KIF1C: variants seen among roughly 807,000 people sequenced by gnomAD.
The protein encoded by KIF1C is kinesin family member 1C.
KIF1C carries 61 observed loss-of-function variants against 126.5 expected under a neutral mutation model. The ratio of observed to expected loss-of-function variants is 0.48; its 90% CI spans 0.39 to 0.60. The LOEUF (loss-of-function observed/expected upper bound fraction) is 0.60. Ranked by LOEUF, KIF1C falls within the 20% of genes least tolerant of loss-of-function variation. The probability of loss-of-function intolerance (pLI) is 0.00; values close to 1 mark genes in which losing one functional copy is unlikely to be tolerated. For synonymous variants in KIF1C, 640 were observed against 580.6 expected (o/e 1.10, Z -1.47); for missense variants, 1,315 against 1,489.2 (o/e 0.88, Z 1.93).
At position 5,020,398 on chromosome 17, in the gene KIF1C, A is replaced by G; in HGVS notation, c.1751-94A>G. ...TTGGGGTGATGAAGGGGAGGGTGTC[A>G]CAGCCCCTGTGCCAGATTCTCTATG... On this transcript the variant is annotated intron_variant, in intron 19 of 22. Transcript: ENST00000320785. The surrounding 1 kb of genome is among the most constrained non-coding windows in gnomAD (Gnocchi z 5.8). 2 of 1,291,234 alleles carry G rather than the reference A, an allele frequency of 1.5e-6. No individual in the cohort carries two copies. The highest frequency in any genetic ancestry group is 1.1e-6 in the Non-Finnish European group (1 of 938,572). 80.0% of individuals were successfully genotyped at this position (1,291,234 alleles called of 1,614,324 possible).
At position 5,002,851 on chromosome 17, in the gene KIF1C, G is replaced by GGGGC; in HGVS notation, c.720+9_720+10insGGGC. 1.4e-6 allele frequency: 2 copies of GGGGC among 1,421,828 alleles called. No individual in the cohort carries two copies. The highest frequency in any genetic ancestry group is 9.7e-7 in the Non-Finnish European group (1 of 1,035,694). 88.1% of individuals were successfully genotyped at this position (1,421,828 alleles called of 1,614,324 possible). Reference sequence around the variant, plus strand: ...GGCTGGACTCGGAGAAGGTGGGATCGCCCCCCCCCCCACTCCCCCACCGGA... The same window carrying GGGGC: ...GGCTGGACTCGGAGAAGGTGGGATCGGGGCCCCCCCCCCCCACTCCCCCACCGGA... On this transcript the variant is annotated intron_variant, in intron 8 of 22. Transcript: ENST00000320785.
rs200438845 is a variant in KIF1C at position 5,013,738 on chromosome 17, G to A, written c.1571+6G>A. 745 of 1,611,876 alleles carry A rather than the reference G, an allele frequency of 4.6e-4. 2 individuals are homozygous for A. Among genetic ancestry groups the A allele is most frequent in the South Asian group, 1.6e-3 (147 of 90,998 alleles). On this transcript the variant is annotated splice_donor_region_variant and intron_variant, in intron 17 of 22. Transcript: ENST00000320785. ...ATCAAAGATGGCGTCACCAGGTAGC[G>A]TGTACCCAGCGGCCTGGGGGGCAGC...
intron 16 of KIF1C, among the ~76,000 whole-genome samples, chr17:5,009,885 C>G (rs906259635): frequency 5.3e-5 from 8 of 151,818 alleles, no homozygotes; most frequent in African/African-American, 1.9e-4. Context: ...TACACATTTA[C>G]TCACATTCAC....
chr17:5,005,139 G>C (rs2143325545), intron 13 of KIF1C, 139 bp downstream of exon 13: 2 of 1,038,658 alleles, frequency 1.9e-6, no homozygotes, highest in South Asian at 3.1e-5. Flanking sequence ...CGTGGACACA[G>C]ATGTGGAGAG....
chr17:5,013,706 C>G lies in KIF1C; in HGVS notation c.1545C>G (p.Leu515=). The G allele has an allele frequency of 6.2e-7, 1 of 1,613,888 alleles. No individual in the cohort carries two copies. The highest frequency in any genetic ancestry group is 8.5e-7 in the Non-Finnish European group (1 of 1,179,820). ...ACCCTCTGATGTCTGAGTGTCTGCTCTACCACATCAAAGATGGCGTCACCA... is the reference window on the plus strand; with the variant it reads ...ACCCTCTGATGTCTGAGTGTCTGCTGTACCACATCAAAGATGGCGTCACCA... ...NEDPLMSECL[L]YHIKDGVTRV... is the part of the protein sequence containing the mutation. The change falls in exon 17 of 23, where the codon CTC becomes CTG. Residue 515 remains leucine, a synonymous_variant. Coordinates refer to ENST00000320785, the MANE Select transcript of KIF1C (RefSeq NM_006612.6).
chr17:5,008,369 A>G (rs1974782292), intron 16 of KIF1C, among the ~76,000 whole-genome samples: 1 of 138,264 alleles, frequency 7.2e-6, no homozygotes, highest in Admixed American at 7.7e-5. Flanking sequence ...AGGCCAGTAT[A>G]CCAGTGAAGG....
At chr17:5,014,015 C>T (rs1974921676) in intron 17 of KIF1C, among the ~76,000 whole-genome samples, 1 of 152,204 alleles carries the variant, frequency 6.6e-6, no homozygotes. Flanking sequence ...GACCCTGATG[C>T]CATTGCCTTG....
chr17:5,005,125 G>A, intron 13 of KIF1C, 125 bp downstream of exon 13: 2 of 1,198,872 alleles, frequency 1.7e-6, no homozygotes, highest in Non-Finnish European at 2.4e-6. Context: ...CATGTGCTCA[G>A]TGACGTGGAC....
chr17:5,000,242 G>A lies in KIF1C; in HGVS notation c.-5G>A, dbSNP rs772665083. On this transcript the variant is annotated 5_prime_UTR_variant, in exon 3 of 23. Coordinates refer to ENST00000320785, the MANE Select transcript of KIF1C (RefSeq NM_006612.6). The stretch of plus-strand genomic sequence containing the variant: ...CAGCTGAGGAGGGCAGGAGTGTCTG[G>A]AGCTATGGCTGGTGCCTCGGTGAAA... 2 of 1,563,214 alleles carry A rather than the reference G, an allele frequency of 1.3e-6. No homozygotes were observed. The highest frequency in any genetic ancestry group is 1.7e-6 in the Non-Finnish European group (2 of 1,153,690).
chr17:5,005,168 T>C (rs1567721776), intron 13 of KIF1C, among the ~76,000 whole-genome samples, 168 bp downstream of exon 13: 1 of 152,306 alleles, frequency 6.6e-6, no homozygotes, highest in East Asian at 1.9e-4. Flanking sequence ...TGTCTTCAGA[T>C]GTTACAGAGC....
Position 5,025,956 on chromosome 17 carries a change from CTG to C in KIF1C, c.*1806_*1807del, listed in dbSNP as rs763267373. ...AGCACTGCCTTTGGCTTGCCAGACTCTGGAGTCCCCACATTTTCATCCTGTTC... is the reference window on the plus strand; with the variant it reads ...AGCACTGCCTTTGGCTTGCCAGACTCGAGTCCCCACATTTTCATCCTGTTC... On this transcript the variant is annotated 3_prime_UTR_variant, in exon 23 of 23. Coordinates refer to ENST00000320785, the MANE Select transcript of KIF1C (RefSeq NM_006612.6). The C allele has an allele frequency of 2.6e-5, 4 of 152,358 alleles. No homozygotes were observed. In the South Asian group the frequency reaches 8.3e-4, roughly 32 times the overall value. 9.4% of individuals were successfully genotyped at this position (152,358 alleles called of 1,614,324 possible).
intron 5 of KIF1C, among the ~76,000 whole-genome samples, chr17:5,001,637 G>A (rs1974595750): frequency 6.6e-6 from 1 of 152,206 alleles, no homozygotes; most frequent in African/African-American, 2.4e-5. Flanking sequence ...AGTGAGCCTT[G>A]GGTTCGAGCG....
intron 16 of KIF1C, among the ~76,000 whole-genome samples, chr17:5,011,296 C>G (rs1974860764): frequency 6.6e-6 from 1 of 152,096 alleles, no homozygotes; most frequent in Non-Finnish European, 1.5e-5. Flanking sequence ...TGGAGGGAGC[C>G]TCCTCTTGCT....
In KIF1C at chr17:5,003,657, G is replaced by A. The variant is rs150280414; in HGVS notation, c.766G>A (p.Asp256Asn). 142 of 1,613,758 alleles carry A rather than the reference G, an allele frequency of 8.8e-5. 1 individual carries two copies. In the South Asian group the frequency reaches 9.9e-4, roughly 11 times the overall value. Residue 256 changes from aspartate (D) to asparagine (N), a missense_variant, in exon 9 of 23, where the codon GAC (aspartate) becomes AAC (asparagine). By Grantham distance (23) the Asp-to-Asn change is conservative. Around this residue, in one of 2 missense-constraint regions of KIF1C, gnomAD observed 874 missense variants for 1,053.2 expected, o/e 0.83. Transcript: ENST00000320785. Reference protein sequence around the residue: ...LVDLAGSERADSSGARGMRLK... With the variant: ...LVDLAGSERANSSGARGMRLK... ...GGACCTTGCTGGGAGTGAGCGAGCC[G>A]ACTCCTCAGGGGCCCGGGGCATGCG...
Position 5,022,710 on chromosome 17 carries a change from G to T in KIF1C, c.2628+1G>T. 6.6e-7 allele frequency: 1 copy of T among 1,525,890 alleles called. No individual in the cohort carries two copies. The allele number at this position is 1,525,890 out of a possible 1,614,324, so 94.5% of individuals were successfully genotyped here. ...GGAGAGGGTCATCCCCCTGGCCCAGGTAGGACTGGCCTTCTGCCTCCCTTC... is the reference window on the plus strand; with the variant it reads ...GGAGAGGGTCATCCCCCTGGCCCAGTTAGGACTGGCCTTCTGCCTCCCTTC... On this transcript the variant is annotated splice_donor_variant, in intron 22 of 22. Transcript: ENST00000320785. LOFTEE classifies it high-confidence loss of function. The surrounding 1 kb of genome is among the most constrained non-coding windows in gnomAD (Gnocchi z 4.9).
At position 5,004,849 on chromosome 17, in the gene KIF1C, AC is replaced by A. The variant is rs1974689385; in HGVS notation, c.1020-3del. On this transcript the variant is annotated splice_polypyrimidine_tract_variant and splice_region_variant and intron_variant, in intron 12 of 22. Transcript: ENST00000320785. ...GCCTCACCGACCCTGCTCCTCTGTC[AC>A]CCAGGTATGCTGACCGCACCAAGCA... 1 of 1,614,184 alleles carries A rather than the reference AC, an allele frequency of 6.2e-7. No homozygotes were observed. Among genetic ancestry groups the A allele is most frequent in the Non-Finnish European group, 8.5e-7 (1 of 1,180,024 alleles).
chr17:5,023,863 G>A lies in KIF1C; in HGVS notation c.3024G>A (p.Glu1008=). ...CAACTCCGCTCCAACCCCCTGAGGA[G>A]GTCACTCCCCATCCAGCCACCCCTG... ...EAPTPLQPPE[E]VTPHPATPAR... The change falls in exon 23 of 23, where the codon GAG becomes GAA. Residue 1008 remains glutamate (E), a synonymous_variant. Transcript: ENST00000320785. This position sits in a 1 kb window ranked among gnomAD's most constrained non-coding sequence, Gnocchi z 4.2. 1 of 1,528,144 alleles carries A rather than the reference G, an allele frequency of 6.5e-7. No homozygotes were observed. The highest frequency in any genetic ancestry group is 8.8e-7 in the Non-Finnish European group (1 of 1,137,628). The allele number at this position is 1,528,144 out of a possible 1,614,324, so 94.7% of individuals were successfully genotyped here.
intron 16 of KIF1C, among the ~76,000 whole-genome samples, chr17:5,009,639 T>C (rs1305094927): frequency 6.6e-6 from 1 of 151,284 alleles, no homozygotes; most frequent in African/African-American, 2.4e-5. Flanking sequence ...ATACAAAAAA[T>C]TAGCCACGTG....
In KIF1C at chr17:5,022,103, G is replaced by A. The variant is rs750623112; in HGVS notation, c.2022G>A (p.Ser674=). 8.1e-6 allele frequency: 13 copies of A among 1,603,828 alleles called. No homozygotes were observed. The highest frequency in any genetic ancestry group is 1.1e-5 in the Non-Finnish European group (13 of 1,172,916). ...LLEQQRLYAD[S]DSGDDSDKRS... Reference sequence around the variant, plus strand: ...TTCTCTGGCCCCAGTATGCAGACTCGGACAGCGGGGATGACTCTGACAAGC... The same window carrying A: ...TTCTCTGGCCCCAGTATGCAGACTCAGACAGCGGGGATGACTCTGACAAGC... The change falls in exon 22 of 23, where the codon TCG becomes TCA. Residue 674 remains serine (S), a synonymous_variant. Transcript: ENST00000320785. This position sits in a 1 kb window ranked among gnomAD's most constrained non-coding sequence, Gnocchi z 4.9.
Sources: allele counts gnomAD v4.1 joint callset (sites outside exome capture counted in the v4.1 genomes callset), GRCh38; gene constraint gnomAD v4.1.1; regional missense constraint gnomAD v4.1.1; non-coding constraint Gnocchi (gnomAD v3.1); transcripts MANE v1.5; gene names NCBI Gene and HGNC (gene_info 2026-07-23, HGNC 2026-07-21).